Variants in ZNF280D observed in about 807,000 individuals in gnomAD.
ZNF280D encodes the protein suppressor of hairy wing homolog 4.
ZNF280D carries 39 observed loss-of-function variants against 94.7 expected under a neutral mutation model. The observed-to-expected ratio is 0.41, with a 90% CI of 0.32 to 0.54. The LOEUF is 0.54. Ranked by LOEUF, ZNF280D falls within the 20% of genes least tolerant of loss-of-function variation. ZNF280D has a pLI of 0.22. For synonymous variants in ZNF280D, 398 were observed against 377.6 expected (o/e 1.05, Z -0.63); for missense variants, 1,090 against 1,149.3 (o/e 0.95, Z 0.75).
At chr15:56,706,945 A>C (rs2057439707) in intron 3 of ZNF280D, 137 bp downstream of exon 3, 2 of 743,340 alleles carry the variant, frequency 2.7e-6, no homozygotes, top group Non-Finnish European at 4.5e-6. Context: ...ACTTGTTTTT[A>C]TGTGAACATT....
intron 3 of ZNF280D, among the ~76,000 whole-genome samples, chr15:56,704,586 A>G (rs1381902174): frequency 6.6e-6 from 1 of 152,246 alleles, no homozygotes; most frequent in African/African-American, 2.4e-5. Context: ...AAAAAGGATT[A>G]TACCCACTGT....
At chr15:56,688,934 G>A in intron 9 of ZNF280D, 107 bp downstream of exon 9, 1 of 600,106 alleles carries the variant, frequency 1.7e-6, no homozygotes, top group East Asian at 3.2e-5. Flanking sequence ...TAAATTAAAT[G>A]GAAATACCAA....
At chr15:56,640,444 T>A (rs577656980) in intron 20 of ZNF280D, among the ~76,000 whole-genome samples, 1,903 of 151,972 alleles carry the variant, frequency 0.013, 16 homozygotes, top group Non-Finnish European at 0.021. Flanking sequence ...ATTTAAAAAA[T>A]TTTTTTTCTA....
intron 1 of ZNF280D, among the ~76,000 whole-genome samples, chr15:56,723,239 T>A (rs1230251076): frequency 2.0e-5 from 3 of 150,516 alleles, no homozygotes; most frequent in Admixed American, 1.3e-4. Context: ...AATAAAAAAA[T>A]AAATAAATAA....
intron 19 of ZNF280D, among the ~76,000 whole-genome samples, chr15:56,650,513 G>C (rs1053531525): frequency 2.0e-5 from 3 of 152,080 alleles, no homozygotes; most frequent in African/African-American, 4.8e-5. Context: ...ACTTTGCTTA[G>C]AACAAACATG....
At chr15:56,725,153 A>C (rs1394881235) in intron 1 of ZNF280D, among the ~76,000 whole-genome samples, 1 of 152,162 alleles carries the variant, frequency 6.6e-6, no homozygotes, top group Non-Finnish European at 1.5e-5. Flanking sequence ...TGAAGCCTAG[A>C]AGCAAAGGGC....
chr15:56,642,923 T>C (rs1294833668), intron 20 of ZNF280D, 29 bp downstream of exon 20: 3 of 1,462,032 alleles, frequency 2.1e-6, no homozygotes, highest in Non-Finnish European at 2.7e-6. Context: ...TGTATAAACC[T>C]TTAAGGTATA....
chr15:56,678,935 CAA>C (rs1651577312), intron 10 of ZNF280D, 114 bp from the exon 11 acceptor site: 1 of 1,037,412 alleles, frequency 9.6e-7, no homozygotes, highest in Admixed American at 3.5e-5. Context: ...CTCAAACTCT[CAA>C]AAGTCTTAAA....
At position 56,669,987 on chromosome 15, in the gene ZNF280D, T is replaced by A. The variant is rs1268984503; in HGVS notation, c.1411-1030A>T. Among the ~76,000 whole-genome samples, 2 of 1,940 alleles carry A rather than the reference T, an allele frequency of 1.0e-3. 1 individual carries two copies. Among genetic ancestry groups the A allele is most frequent in the Non-Finnish European group, 2.2e-3 (2 of 926 alleles). The allele number at this position is 1,940 out of a possible 152,430, so 1.3% of individuals were successfully genotyped here. Reference sequence around the variant, plus strand: ...TTATATATATATAATATATATATTATATATATATATTATATATATATAATA... The same window carrying A: ...TTATATATATATAATATATATATTAAATATATATATTATATATATATAATA... On this transcript the variant is annotated intron_variant, in intron 13 of 21. Transcript: ENST00000267807.
At chr15:56,732,278 C>T (rs2058929197) in intron 1 of ZNF280D, among the ~76,000 whole-genome samples, 1 of 152,132 alleles carries the variant, frequency 6.6e-6, no homozygotes, top group African/African-American at 2.4e-5. Flanking sequence ...TCAAAAGGGG[C>T]TAAGAGATAC....
chr15:56,671,560 G>C lies in ZNF280D; in HGVS notation c.1411-2603C>G, dbSNP rs1369690152. On this transcript the variant is annotated intron_variant, in intron 13 of 21. Coordinates refer to ENST00000267807, the MANE Select transcript of ZNF280D (RefSeq NM_017661.4). ...GCATCTGTTCTTGTTCCAGTACCAA[G>C]CTGTTTTGGTTACTATAGCCCTGTA... is the stretch of plus-strand genomic sequence containing the variant. Among the ~76,000 whole-genome samples the C allele has an allele frequency of 7.9e-5, 12 of 152,110 alleles. 1 individual carries two copies. The highest frequency in any genetic ancestry group is 5.2e-4 in the Admixed American group (8 of 15,262).
At chr15:56,688,785 C>T (rs151214331) in intron 9 of ZNF280D, 5 of 205,440 alleles carry the variant, frequency 2.4e-5, no homozygotes, top group East Asian at 1.1e-4. Context: ...ATAAAATAAT[C>T]GGATTAATAC....
At chr15:56,692,976 C>T (rs1596525127) in intron 7 of ZNF280D, 122 bp downstream of exon 7, 1 of 563,538 alleles carries the variant, frequency 1.8e-6, no homozygotes, top group East Asian at 3.6e-5. Context: ...AGTGACGTTC[C>T]ACCTTACAAT....
intron 1 of ZNF280D, among the ~76,000 whole-genome samples, chr15:56,719,350 A>C (rs956358124): frequency 3.8e-4 from 38 of 99,260 alleles, no homozygotes; most frequent in Non-Finnish European, 7.4e-4. Context: ...AACAAAAAAC[A>C]AAAAACCAAA....
chr15:56,631,517 T>C lies in ZNF280D; in HGVS notation c.2921A>G (p.Asp974Gly). The C allele has an allele frequency of 6.2e-7, 1 of 1,610,846 alleles. No individual in the cohort carries two copies. Among genetic ancestry groups the C allele is most frequent in the South Asian group, 1.1e-5 (1 of 90,886 alleles). ...STTEATVDLEDEKERS is the reference protein window; with the variant it reads ...STTEATVDLEGEKERS The stretch of plus-strand genomic sequence containing the variant: ...CTAATTTCAACTTCTTTCTTTTTCG[T>C]CTTCCAGGTCTACTGTTGCCTCTGT... Residue 974 changes from aspartate to glycine, a missense_variant, in exon 22 of 22, where the codon GAC becomes GGC. By Grantham distance (94) the Asp-to-Gly change is moderately conservative. This residue lies in a region of ZNF280D where 577 missense variants were observed against 568.8 expected (regional missense o/e 1.01). Coordinates refer to ENST00000267807, the MANE Select transcript of ZNF280D (RefSeq NM_017661.4).
intron 20 of ZNF280D, among the ~76,000 whole-genome samples, chr15:56,639,297 A>G (rs2052509570): frequency 6.6e-6 from 1 of 151,872 alleles, no homozygotes; most frequent in East Asian, 1.9e-4. Flanking sequence ...GCTAAAAAAA[A>G]AAAAGGAGTT....
intron 7 of ZNF280D, among the ~76,000 whole-genome samples, chr15:56,691,569 G>C (rs1311584474): frequency 6.6e-6 from 1 of 151,982 alleles, no homozygotes; most frequent in Non-Finnish European, 1.5e-5. Flanking sequence ...GCTGTGTTTG[G>C]CTTGTGTTGC....
chr15:56,659,591 G>C (rs996725503), intron 16 of ZNF280D, among the ~76,000 whole-genome samples: 4 of 151,756 alleles, frequency 2.6e-5, no homozygotes, highest in Non-Finnish European at 4.4e-5. Context: ...AAAAAGTATA[G>C]TACACATAGA....
At chr15:56,700,569 T>C in intron 6 of ZNF280D, 9 of 1,106,910 alleles carry the variant, frequency 8.1e-6, no homozygotes, top group Non-Finnish European at 9.9e-6. Flanking sequence ...TAAAAAGCTA[T>C]GATGGTCACT....
Sources: allele counts gnomAD v4.1 joint callset (sites outside exome capture counted in the v4.1 genomes callset), GRCh38; gene constraint gnomAD v4.1.1; regional missense constraint gnomAD v4.1.1; transcripts MANE v1.5; gene names NCBI Gene and HGNC (gene_info 2026-07-23, HGNC 2026-07-21).